Variants in STXBP4 observed in about 807,000 individuals in gnomAD.
The protein encoded by STXBP4 is syntaxin-binding protein 4.
A neutral mutation model predicts 76.1 loss-of-function variants in STXBP4; 55 were observed. That is an observed-to-expected ratio of 0.72 (90% CI 0.58 to 0.91). The LOEUF (loss-of-function observed/expected upper bound fraction) is 0.91, where lower values mean the gene tolerates loss of function less well. Ranked by LOEUF, STXBP4 falls within the 40% of genes least tolerant of loss-of-function variation. The pLI is 0.00. For synonymous variants in STXBP4, 201 were observed against 220.2 expected (o/e 0.91, Z 0.77); for missense variants, 618 against 636.9 (o/e 0.97, Z 0.32).
chr17:55,189,473 T>C, the STXBP4 span, among the ~76,000 whole-genome samples: 1 of 152,172 alleles, frequency 6.6e-6, no homozygotes, highest in African/African-American at 2.4e-5. Flanking sequence ...TTCCAACAAA[T>C]GGATGAAAGG....
chr17:55,052,537 CTT>C (rs2078871485), intron 12 of STXBP4, among the ~76,000 whole-genome samples: 1 of 152,008 alleles, frequency 6.6e-6, no homozygotes, highest in Non-Finnish European at 1.5e-5. Context: ...TTAATAAAGA[CTT>C]GATCAGGCAC....
chr17:55,197,860 A>G, the STXBP4 span, among the ~76,000 whole-genome samples: 3 of 152,028 alleles, frequency 2.0e-5, no homozygotes, highest in Non-Finnish European at 4.4e-5. Context: ...TTTCTTCCCA[A>G]CTCTTCCCTC....
rs754988487 is a variant in STXBP4 at position 54,988,961 on chromosome 17, C to T, written c.48-1864C>T. The stretch of plus-strand genomic sequence containing the variant: ...ATATGGAGAGCAAAATAGTCAAAAA[C>T]GGAGTTCTATGTGCTTTTTAAAAAA... On this transcript the variant is annotated intron_variant, in intron 3 of 17. Transcript: ENST00000376352. Among the ~76,000 whole-genome samples, 9 of 152,004 alleles carry T rather than the reference C, an allele frequency of 5.9e-5. No homozygotes were observed. In the South Asian group the frequency reaches 1.2e-3, roughly 21 times the overall value.
In STXBP4 at chr17:55,144,114, C is replaced by G. The variant is rs558932789; in HGVS notation, c.1547+2747C>G. On this transcript the variant is annotated intron_variant, in intron 17 of 17. Transcript: ENST00000376352. ...TTGACATGTGACAAGAAAGACACTT[C>G]AAACAGATCTTAATTTAGGAAGAGC... Among the ~76,000 whole-genome samples the G allele has an allele frequency of 5.3e-5, 8 of 152,020 alleles. No individual in the cohort carries two copies. The South Asian group carries it at 1.0e-3, about 20-fold the overall frequency.
At chr17:54,971,454 A>G (rs2077399572) in intron 1 of STXBP4, among the ~76,000 whole-genome samples, 1 of 152,238 alleles carries the variant, frequency 6.6e-6, no homozygotes, top group African/African-American at 2.4e-5. Context: ...AGATTGGAGT[A>G]AATGAGCTCT....
the STXBP4 span, among the ~76,000 whole-genome samples, chr17:55,182,141 A>C: frequency 7.3e-6 from 1 of 136,162 alleles, no homozygotes; most frequent in Non-Finnish European, 1.6e-5. Flanking sequence ...AACCAAGCAC[A>C]TGAGAAGACA....
intron 1 of STXBP4, among the ~76,000 whole-genome samples, chr17:54,975,739 C>T (rs1489482249): frequency 1.3e-5 from 2 of 152,184 alleles, no homozygotes; most frequent in South Asian, 2.1e-4. Flanking sequence ...CTGCCTACTT[C>T]TCTAACCTTA....
At chr17:55,073,704 C>T (rs919964974) in intron 13 of STXBP4, among the ~76,000 whole-genome samples, 1 of 152,210 alleles carries the variant, frequency 6.6e-6, no homozygotes, top group African/African-American at 2.4e-5. Context: ...TCTCAGCTCA[C>T]TGCAACCTCC....
At chr17:54,997,877 C>T (rs903913031) in intron 4 of STXBP4, among the ~76,000 whole-genome samples, 15 of 151,142 alleles carry the variant, frequency 9.9e-5, no homozygotes, top group Non-Finnish European at 1.8e-4. Flanking sequence ...TGTGAGCCAC[C>T]GTGCCTGGCT....
At chr17:55,104,538 T>C (rs1230245039) in intron 16 of STXBP4, among the ~76,000 whole-genome samples, 1 of 152,244 alleles carries the variant, frequency 6.6e-6, no homozygotes, top group Non-Finnish European at 1.5e-5. Context: ...TAATATTTTA[T>C]TGAGGATTTT....
chr17:54,985,256 A>C (rs1045280647), intron 1 of STXBP4, among the ~76,000 whole-genome samples: 1 of 152,188 alleles, frequency 6.6e-6, no homozygotes. Context: ...CAAAATTTCA[A>C]ATGAGAACCC....
At chr17:55,098,801 T>G (rs2079528109) in intron 16 of STXBP4, among the ~76,000 whole-genome samples, 1 of 152,208 alleles carries the variant, frequency 6.6e-6, no homozygotes, top group African/African-American at 2.4e-5. Context: ...TCACAGCACT[T>G]TATTTTTTGT....
At chr17:55,034,398 T>C in intron 10 of STXBP4, 139 bp downstream of exon 10, 1 of 523,368 alleles carries the variant, frequency 1.9e-6, no homozygotes, top group Non-Finnish European at 3.1e-6. Context: ...TACAAATCAA[T>C]TTAAAATCAA....
chr17:55,104,960 G>A (rs1202604614), intron 16 of STXBP4, among the ~76,000 whole-genome samples: 1 of 152,140 alleles, frequency 6.6e-6, no homozygotes, highest in Non-Finnish European at 1.5e-5. Flanking sequence ...ATTTATGTGG[G>A]ATCAGTGATG....
chr17:55,046,244 T>C (rs1426798028), intron 11 of STXBP4, among the ~76,000 whole-genome samples: 1 of 152,004 alleles, frequency 6.6e-6, no homozygotes, highest in Non-Finnish European at 1.5e-5. Flanking sequence ...GCCAGCAGTC[T>C]CTTGGCTCCT....
chr17:55,115,928 G>A (rs746594643), intron 16 of STXBP4, among the ~76,000 whole-genome samples: 9 of 151,916 alleles, frequency 5.9e-5, no homozygotes, highest in Non-Finnish European at 1.2e-4. Context: ...GTTTAACCAT[G>A]GTTGGAAATG....
Position 55,070,835 on chromosome 17 carries a change from CT to C in STXBP4, c.1012-2060del, listed in dbSNP as rs550724378. 2.8e-3 allele frequency among the ~76,000 whole-genome samples: 422 copies of C among 152,202 alleles called. 5 individuals are homozygous for C. The highest frequency in any genetic ancestry group is 9.7e-3 in the African/African-American group (402 of 41,528). ...TCTCTTCCTTTATTCACATGGTTCT[CT>C]TTTTGTAACATCCTCTTTTCTTCAT... On this transcript the variant is annotated intron_variant, in intron 12 of 17. Transcript: ENST00000376352.
chr17:55,184,986 C>G, the STXBP4 span, among the ~76,000 whole-genome samples: 1 of 152,174 alleles, frequency 6.6e-6, no homozygotes, highest in Non-Finnish European at 1.5e-5. Context: ...ATCCTGCCAC[C>G]TCAGCCTCCT....
chr17:54,999,461 C>G lies in STXBP4; in HGVS notation c.287+10C>G. ...CCGGAGCCAAGTTGAGGTAACTATA[C>G]TATCCATGAGATAGAATGAGTCATT... On this transcript the variant is annotated intron_variant, in intron 5 of 17. Transcript: ENST00000376352. 6.3e-7 allele frequency: 1 copy of G among 1,599,056 alleles called. No individual in the cohort carries two copies. The highest frequency in any genetic ancestry group is 1.1e-5 in the South Asian group (1 of 89,294).
Sources: gnomAD v4.1 joint callset for allele counts (sites outside exome capture counted in the v4.1 genomes callset) on GRCh38, gnomAD v4.1.1 for gene constraint, MANE v1.5 for transcripts, NCBI Gene and HGNC (gene_info 2026-07-23, HGNC 2026-07-21) for gene names.